TOPAZ1: variants seen among roughly 807,000 people sequenced by gnomAD.
TOPAZ1 encodes protein TOPAZ1.
TOPAZ1 carries 66 observed loss-of-function variants against 172.2 expected under a neutral mutation model. The observed-to-expected ratio is 0.38, with a 90% CI of 0.31 to 0.47. TOPAZ1 has a LOEUF of 0.47. Among genes scored for constraint, TOPAZ1 ranks in the 20% least tolerant of loss-of-function variants. The pLI is 0.99. For missense variants in TOPAZ1, 1,822 were observed against 1,972.4 expected (o/e 0.92, Z 1.44); for synonymous variants, 681 against 683.9 (o/e 1.00, Z 0.07).
chr3:44,304,144 G>A (rs1700308286), intron 13 of TOPAZ1, 63 bp downstream of exon 13: 1 of 1,005,266 alleles, frequency 9.9e-7, no homozygotes, highest in Non-Finnish European at 1.5e-6. Flanking sequence ...CAACAAAAAA[G>A]GTTTGAATAA....
At chr3:44,282,412 A>G (rs540880977) in intron 9 of TOPAZ1, among the ~76,000 whole-genome samples, 37 of 152,228 alleles carry the variant, frequency 2.4e-4, no homozygotes, top group African/African-American at 8.9e-4. Context: ...CCATCCAGTA[A>G]GTTCTGTGCA....
At chr3:44,277,527 G>T (rs1417208296) in intron 8 of TOPAZ1, among the ~76,000 whole-genome samples, 1 of 152,116 alleles carries the variant, frequency 6.6e-6, no homozygotes, top group Non-Finnish European at 1.5e-5. Flanking sequence ...GTACTATGTT[G>T]AATAGGAGTG....
intron 8 of TOPAZ1, among the ~76,000 whole-genome samples, chr3:44,272,844 C>T (rs557671425): frequency 4.6e-4 from 70 of 152,216 alleles, no homozygotes; most frequent in Non-Finnish European, 4.9e-4. Flanking sequence ...CAGGCATGAG[C>T]CACTGCACGC....
chr3:44,305,035 T>TA, intron 13 of TOPAZ1, 112 bp from the exon 14 acceptor site: 1 of 715,476 alleles, frequency 1.4e-6, no homozygotes, highest in Non-Finnish European at 2.2e-6. Flanking sequence ...TTTGTCTTAT[T>TA]AATTTATGTA....
intron 5 of TOPAZ1, among the ~76,000 whole-genome samples, chr3:44,265,392 A>G (rs1699819167): frequency 6.6e-6 from 1 of 152,116 alleles, no homozygotes; most frequent in Non-Finnish European, 1.5e-5. Flanking sequence ...CCCCACCTCT[A>G]CTAAAAATGC....
Position 44,300,902 on chromosome 3 carries a change from T to C in TOPAZ1, c.3798-3113T>C, listed in dbSNP as rs371370045. Among the ~76,000 whole-genome samples, 34 of 150,706 alleles carry C rather than the reference T, an allele frequency of 2.3e-4. No individual in the cohort carries two copies. In the South Asian group the frequency reaches 5.2e-3, roughly 23 times the overall value. ...CCTTCAATAGGTGAATGAGTAGTTA[T>C]AGTTAAACTGTGGTACATACCATGG... On this transcript the variant is annotated intron_variant, in intron 12 of 19. Coordinates refer to ENST00000309765, the MANE Select transcript of TOPAZ1 (RefSeq NM_001145030.2).
intron 2 of TOPAZ1, among the ~76,000 whole-genome samples, chr3:44,247,492 T>C (rs1699579618): frequency 6.6e-6 from 1 of 152,208 alleles, no homozygotes; most frequent in Non-Finnish European, 1.5e-5. Flanking sequence ...TAATATAGCC[T>C]ACCCCACATT....
intron 18 of TOPAZ1, among the ~76,000 whole-genome samples, chr3:44,325,078 G>C (rs925691623): frequency 6.6e-6 from 1 of 152,140 alleles, no homozygotes; most frequent in African/African-American, 2.4e-5. Context: ...TTACAGCCAA[G>C]TGAGTAATTT....
Position 44,290,765 on chromosome 3 carries a change from C to A in TOPAZ1, c.3682-6C>A, listed in dbSNP as rs372807972. 1.1e-5 allele frequency: 17 copies of A among 1,531,438 alleles called. No homozygotes were observed. The South Asian group carries it at 1.8e-4, about 16-fold the overall frequency. 94.9% of individuals were successfully genotyped at this position (1,531,438 alleles called of 1,614,324 possible). A position where few individuals can be genotyped will look rare whatever the true frequency, so the allele number is the denominator to read the frequency against. On this transcript the variant is annotated splice_polypyrimidine_tract_variant and splice_region_variant and intron_variant, in intron 11 of 19. Transcript: ENST00000309765. ...GAATAACCACTCTTTCTTTTCTCTT[C>A]TACAGCTTGTTGAAGCCGGGATGGT...
In TOPAZ1 at chr3:44,280,759, G is replaced by A. The variant is rs1036332647; in HGVS notation, c.3373-1209G>A. On this transcript the variant is annotated intron_variant, in intron 8 of 19. Coordinates refer to ENST00000309765, the MANE Select transcript of TOPAZ1 (RefSeq NM_001145030.2). The stretch of plus-strand genomic sequence containing the variant: ...CCATCTTTCTGGTTCTGGTGGGGGC[G>A]CTGAGTCACTGCCATTGGCTCCCAC... 3.9e-5 allele frequency among the ~76,000 whole-genome samples: 6 copies of A among 152,216 alleles called. No individual in the cohort carries two copies. The East Asian group carries it at 5.8e-4, about 15-fold the overall frequency.
At chr3:44,262,976 A>C (rs746004107) in intron 5 of TOPAZ1, among the ~76,000 whole-genome samples, 9 of 152,172 alleles carry the variant, frequency 5.9e-5, no homozygotes, top group Non-Finnish European at 1.3e-4. Flanking sequence ...TGATGGATGC[A>C]TTTGAGGCTT....
At chr3:44,270,103 G>C (rs1163016853) in intron 7 of TOPAZ1, among the ~76,000 whole-genome samples, 1 of 152,208 alleles carries the variant, frequency 6.6e-6, no homozygotes, top group Non-Finnish European at 1.5e-5. Context: ...TGTGATGAAA[G>C]AGAAAGCTGC....
chr3:44,330,649 C>T (rs1700657525), intron 19 of TOPAZ1, among the ~76,000 whole-genome samples: 1 of 152,196 alleles, frequency 6.6e-6, no homozygotes, highest in Admixed American at 6.5e-5. Context: ...CTCTAGACTA[C>T]ACTGTGATGT....
chr3:44,243,688 T>A lies in TOPAZ1; in HGVS notation c.1182T>A (p.His394Gln). 6.5e-7 allele frequency: 1 copy of A among 1,550,354 alleles called. No homozygotes were observed. The highest frequency in any genetic ancestry group is 8.7e-7 in the Non-Finnish European group (1 of 1,146,866). The change falls in exon 2 of 20, where the codon CAT (histidine) becomes CAA (glutamine). Residue 394 changes from histidine to glutamine, a missense_variant. His to Gln is a conservative substitution (Grantham distance 24). Coordinates refer to ENST00000309765, the MANE Select transcript of TOPAZ1 (RefSeq NM_001145030.2). ...VSHNTVSLMD[H>Q]LLSVPETVEK... The stretch of plus-strand genomic sequence containing the variant: ...ATAATACAGTCTCTTTGATGGATCA[T>A]TTATTAAGTGTCCCAGAAACAGTAG...
At chr3:44,307,129 T>A (rs567503033) in intron 15 of TOPAZ1, among the ~76,000 whole-genome samples, 196 of 152,226 alleles carry the variant, frequency 1.3e-3, no homozygotes, top group Non-Finnish European at 2.2e-3. Flanking sequence ...TTCAAGCAAT[T>A]CTCCTGCCTC....
downstream of TOPAZ1, among the ~76,000 whole-genome samples, chr3:44,335,565 A>C (rs1700714456): frequency 6.6e-6 from 1 of 152,182 alleles, no homozygotes; most frequent in African/African-American, 2.4e-5. Context: ...CAGAGGTTGC[A>C]GTGATCCAAG....
intron 2 of TOPAZ1, among the ~76,000 whole-genome samples, chr3:44,253,768 T>A (rs775943687): frequency 2.0e-5 from 3 of 152,254 alleles, no homozygotes; most frequent in Non-Finnish European, 4.4e-5. Context: ...AAAAATACTT[T>A]GTTTTCTAAA....
Position 44,256,168 on chromosome 3 carries a change from G to T in TOPAZ1, c.2845G>T (p.Asp949Tyr). 6.6e-7 allele frequency: 1 copy of T among 1,507,262 alleles called. No homozygotes were observed. The highest frequency in any genetic ancestry group is 1.3e-5 in the South Asian group (1 of 75,854). The allele number at this position is 1,507,262 out of a possible 1,614,324, so 93.4% of individuals were successfully genotyped here. Residue 949 changes from aspartate (D) to tyrosine (Y), a missense_variant, in exon 4 of 20, where the codon GAT becomes TAT. Around this residue, in one of 2 missense-constraint regions of TOPAZ1, gnomAD observed 1,489 missense variants for 1,490.8 expected, o/e 1.00. Transcript: ENST00000309765. ...CTTTTCAGAAAGTGAAATAAAACGT[G>T]ATCCCAAAGATGTAAACACTTCCTT... ...SNSAESEIKR[D>Y]PKDVNTSLGE...
chr3:44,305,014 G>A (rs1210679792), intron 13 of TOPAZ1, 133 bp from the exon 14 acceptor site: 1 of 623,602 alleles, frequency 1.6e-6, no homozygotes, highest in African/African-American at 1.9e-5. Context: ...AAGCTTATAA[G>A]ATGTGCAGAT....
Sources: allele counts gnomAD v4.1 joint callset (sites outside exome capture counted in the v4.1 genomes callset), GRCh38; gene constraint gnomAD v4.1.1; regional missense constraint gnomAD v4.1.1; transcripts MANE v1.5; gene names NCBI Gene and HGNC (gene_info 2026-07-23, HGNC 2026-07-21).